KLHL1: variants seen among roughly 807,000 people sequenced by gnomAD.
The protein encoded by KLHL1 is kelch-like protein 1.
A neutral mutation model predicts 77.7 loss-of-function variants in KLHL1; 47 were observed. The ratio of observed to expected loss-of-function variants is 0.60; its 90% CI spans 0.48 to 0.77. The LOEUF (loss-of-function observed/expected upper bound fraction) is 0.77. Ranked by LOEUF, KLHL1 falls within the 30% of genes least tolerant of loss-of-function variation. KLHL1 has a pLI of 0.00. For missense variants in KLHL1, 925 were observed against 910.8 expected (o/e 1.02, Z -0.20); for synonymous variants, 360 against 325.2 (o/e 1.11, Z -1.15).
chr13:69,781,941 A>G (rs976433755), intron 7 of KLHL1, among the ~76,000 whole-genome samples: 2 of 152,300 alleles, frequency 1.3e-5, no homozygotes, highest in African/African-American at 4.8e-5. Context: ...AAGAGATGAC[A>G]TCAATTGTAG....
At chr13:70,075,586 TATACAC>T (rs1347341481) in intron 1 of KLHL1, among the ~76,000 whole-genome samples, 13 of 111,772 alleles carry the variant, frequency 1.2e-4, no homozygotes, top group East Asian at 2.8e-4. Flanking sequence ...TATATATATA[TATACAC>T]ACACACACAT....
intron 7 of KLHL1, among the ~76,000 whole-genome samples, chr13:69,786,120 C>A (rs1876529619): frequency 6.6e-6 from 1 of 152,060 alleles, no homozygotes. Context: ...CTATTCCAAT[C>A]AATAGAAAAA....
At chr13:69,839,556 C>T (rs1380423284) in intron 5 of KLHL1, among the ~76,000 whole-genome samples, 1 of 151,880 alleles carries the variant, frequency 6.6e-6, no homozygotes, top group African/African-American at 2.4e-5. Context: ...CCATTACAAG[C>T]TTACTGTAAG....
Position 69,707,699 on chromosome 13 carries a change from C to T in KLHL1, c.2113G>A (p.Val705Ile). The change falls in exon 10 of 11, where the codon GTT (valine) becomes ATT (isoleucine). Residue 705 changes from valine to isoleucine, a missense_variant. Transcript: ENST00000377844. ...VCLLGDRLYA[V>I]GGYDGQTYLN... The stretch of plus-strand genomic sequence containing the variant: ...TATGTCTGTCCATCATAGCCACCAA[C>T]AGCATATAATCTGTCACCAAGGAGA... 1.2e-6 allele frequency: 2 copies of T among 1,612,844 alleles called. No homozygotes were observed. The highest frequency in any genetic ancestry group is 8.5e-7 in the Non-Finnish European group (1 of 1,179,230).
At chr13:69,814,550 A>AG (rs1878037453) in intron 6 of KLHL1, among the ~76,000 whole-genome samples, 2 of 152,180 alleles carry the variant, frequency 1.3e-5, no homozygotes, top group Non-Finnish European at 2.9e-5. Context: ...AAAAAAATCA[A>AG]CAAGTAAAGT....
At chr13:69,900,209 A>G (rs1304270161) in intron 4 of KLHL1, among the ~76,000 whole-genome samples, 1 of 152,156 alleles carries the variant, frequency 6.6e-6, no homozygotes, top group African/African-American at 2.4e-5. Context: ...GGTATCATAT[A>G]CTTAAAAATA....
intron 8 of KLHL1, among the ~76,000 whole-genome samples, chr13:69,723,511 T>C (rs1873159480): frequency 6.6e-6 from 1 of 152,058 alleles, no homozygotes; most frequent in African/African-American, 2.4e-5. Context: ...CACTGGTACA[T>C]TCTCACTGTA....
At position 70,107,459 on chromosome 13, in the gene KLHL1, A is replaced by C. The variant is rs200024471; in HGVS notation, c.241T>G (p.Ser81Ala). The change falls in exon 1 of 11, where the codon TCC becomes GCC. Residue 81 changes from serine to alanine, a missense_variant. Coordinates refer to ENST00000377844, the MANE Select transcript of KLHL1 (RefSeq NM_020866.3). ...AAGGAAGAGGAGGAAGAGGACGGGGAGGACGATGAAGAGGAAGAGGAGGAA... is the reference window on the plus strand; with the variant it reads ...AAGGAAGAGGAGGAAGAGGACGGGGCGGACGATGAAGAGGAAGAGGAGGAA... ...KPSSSSSSSS[S>A]PSSSSSSFNP... 139 of 1,613,944 alleles carry C rather than the reference A, an allele frequency of 8.6e-5. No individual in the cohort carries two copies. The highest frequency in any genetic ancestry group is 8.3e-5 in the Non-Finnish European group (98 of 1,179,976).
intron 4 of KLHL1, among the ~76,000 whole-genome samples, chr13:69,939,372 T>TACACAC (rs1429939775): frequency 2.2e-5 from 2 of 90,668 alleles, no homozygotes; most frequent in African/African-American, 9.1e-5. Context: ...TATATATATA[T>TACACAC]ATATATACAC....
intron 7 of KLHL1, among the ~76,000 whole-genome samples, chr13:69,759,557 A>G (rs1874922063): frequency 6.6e-6 from 1 of 152,222 alleles, no homozygotes; most frequent in African/African-American, 2.4e-5. Flanking sequence ...ACATAAAGAC[A>G]TATAGACAGA....
chr13:69,939,494 G>C (rs1401097300), intron 4 of KLHL1, among the ~76,000 whole-genome samples: 1 of 151,436 alleles, frequency 6.6e-6, no homozygotes, highest in Admixed American at 6.6e-5. Context: ...TGCTGTGACG[G>C]AGAGGTTTAA....
intron 1 of KLHL1, among the ~76,000 whole-genome samples, chr13:69,996,752 G>A (rs1451774324): frequency 6.6e-6 from 1 of 151,656 alleles, no homozygotes. Flanking sequence ...AAATGTAGAG[G>A]GCAAAAAACA....
At chr13:70,062,246 T>C (rs1290739298) in intron 1 of KLHL1, among the ~76,000 whole-genome samples, 1 of 152,192 alleles carries the variant, frequency 6.6e-6, no homozygotes, top group Non-Finnish European at 1.5e-5. Context: ...ATGAGAAATT[T>C]TGAGATAAAT....
At chr13:70,075,772 T>C (rs1256307962) in intron 1 of KLHL1, among the ~76,000 whole-genome samples, 10 of 145,982 alleles carry the variant, frequency 6.9e-5, no homozygotes, top group African/African-American at 1.5e-4. Context: ...TATATATATA[T>C]ACATATATAT....
In KLHL1 at chr13:69,987,835, A is replaced by G. The variant is rs1884914821; in HGVS notation, c.498-12033T>C. Among the ~76,000 whole-genome samples, 2 of 152,246 alleles carry G rather than the reference A, an allele frequency of 1.3e-5. 1 individual carries two copies. Among genetic ancestry groups the G allele is most frequent in the South Asian group, 4.1e-4 (2 of 4,822 alleles). ...ATACATATATAGGTATCCTTAGTAC[A>G]AAAGTTTCAGAATAATGGAACTAAA... On this transcript the variant is annotated intron_variant, in intron 1 of 10. Transcript: ENST00000377844.
chr13:69,998,769 G>C (rs916881065), intron 1 of KLHL1, among the ~76,000 whole-genome samples: 2 of 152,012 alleles, frequency 1.3e-5, no homozygotes, highest in Non-Finnish European at 2.9e-5. Flanking sequence ...CGTCTCAGAA[G>C]GCTGCAATAA....
At chr13:69,795,917 G>C (rs902541787) in intron 7 of KLHL1, among the ~76,000 whole-genome samples, 4 of 152,134 alleles carry the variant, frequency 2.6e-5, no homozygotes, top group African/African-American at 9.7e-5. Context: ...AATCAATTAG[G>C]TTCAAAGACA....
At chr13:69,925,211 T>C (rs1028578529) in intron 4 of KLHL1, among the ~76,000 whole-genome samples, 35 of 152,174 alleles carry the variant, frequency 2.3e-4, no homozygotes, top group Non-Finnish European at 2.9e-4. Flanking sequence ...GATTTTTTTG[T>C]CTAGTTTTCA....
At chr13:69,718,216 G>A (rs7321156) in intron 9 of KLHL1, among the ~76,000 whole-genome samples, 39,043 of 151,870 alleles carry the variant, frequency 0.26, 5,133 homozygotes, top group South Asian at 0.33. Context: ...TAAACATCTC[G>A]CTTTTCTCCC....
Sources: gnomAD v4.1 joint callset for allele counts (sites outside exome capture counted in the v4.1 genomes callset) on GRCh38, gnomAD v4.1.1 for gene constraint, MANE v1.5 for transcripts, NCBI Gene and HGNC (gene_info 2026-07-23, HGNC 2026-07-21) for gene names.